Variants in FAM120C observed in about 807,000 individuals in gnomAD.
The protein encoded by FAM120C is family with sequence similarity 120 member C, also known as constitutive coactivator of PPAR-gamma-like protein 2.
FAM120C carries 14 observed loss-of-function variants against 71.2 expected under a neutral mutation model. That is an observed-to-expected ratio of 0.20 (90% CI 0.13 to 0.31). The LOEUF (loss-of-function observed/expected upper bound fraction) is 0.31. Among genes scored for constraint, FAM120C ranks in the 10% least tolerant of loss-of-function variants. The probability of loss-of-function intolerance (pLI) is 1.00; values close to 1 mark genes in which losing one functional copy is unlikely to be tolerated. For missense variants in FAM120C, 500 were observed against 879.0 expected, an observed-to-expected ratio of 0.57 and a Z score of 5.45; for synonymous variants, 354 against 353.2, an observed-to-expected ratio of 1.00 and a Z score of -0.03.
At chrX:54,082,363 G>C (rs1480512694) in intron 13 of FAM120C, among the ~76,000 whole-genome samples, 3 of 110,787 alleles carry the variant, frequency 2.7e-5, no homozygotes, top group African/African-American at 9.8e-5. Context: ...TTGAAAGAAT[G>C]AATGTCTTAA....
intron 10 of FAM120C, among the ~76,000 whole-genome samples, chrX:54,097,800 C>T (rs1429799590): frequency 2.7e-5 from 3 of 110,878 alleles, no homozygotes; most frequent in East Asian, 2.8e-4. Context: ...GATCTCGGCT[C>T]ACTGCAAGCT....
chrX:54,159,102 T>A (rs185469531), intron 2 of FAM120C, among the ~76,000 whole-genome samples: 42 of 111,762 alleles, frequency 3.8e-4, no homozygotes, highest in African/African-American at 1.4e-3. Context: ...ATAAAAGAGT[T>A]ATAAAATGTA....
chrX:54,154,054 A>G (rs1351148926), intron 3 of FAM120C, among the ~76,000 whole-genome samples: 2 of 108,109 alleles, frequency 1.8e-5, no homozygotes, highest in African/African-American at 6.7e-5. Flanking sequence ...TTTTTTTTTA[A>G]AAGGGTCGCT....
chrX:54,158,700 C>T (rs999043477), intron 2 of FAM120C, among the ~76,000 whole-genome samples: 2 of 111,122 alleles, frequency 1.8e-5, no homozygotes, highest in East Asian at 2.8e-4. Flanking sequence ...ACCTGGGAGG[C>T]GGAGATTGCA....
At chrX:54,127,758 A>T (rs1210088988) in intron 9 of FAM120C, among the ~76,000 whole-genome samples, 1 of 109,002 alleles carries the variant, frequency 9.2e-6, no homozygotes, top group African/African-American at 3.3e-5. Context: ...CAGCTATATT[A>T]AAAAAAATTT....
intron 10 of FAM120C, among the ~76,000 whole-genome samples, chrX:54,092,674 T>C (rs1165941141): frequency 2.7e-5 from 3 of 111,423 alleles, no homozygotes; most frequent in Non-Finnish European, 5.6e-5. Context: ...CATCCTGAAA[T>C]TGTAGGAAGA....
chrX:54,176,690 A>G (rs1557136736), intron 1 of FAM120C, among the ~76,000 whole-genome samples: 1 of 111,852 alleles, frequency 8.9e-6, no homozygotes, highest in Non-Finnish European at 1.9e-5. Context: ...GAATTAACAT[A>G]TAACATTGTA....
intron 4 of FAM120C, among the ~76,000 whole-genome samples, chrX:54,139,329 T>TTTTATTTATTTATTTA (rs375711849): frequency 0.13 from 11,248 of 88,860 alleles, 671 homozygotes; most frequent in South Asian, 0.16. Context: ...TTTTTTTTGC[T>TTTTATTTATTTATTTA]TTTATTTATT....
At chrX:54,078,225 G>C (rs930194509) in intron 15 of FAM120C, among the ~76,000 whole-genome samples, 11 of 91,069 alleles carry the variant, frequency 1.2e-4, no homozygotes, top group African/African-American at 4.5e-4. Context: ...TTACAGGCGT[G>C]AGCCACCGCG....
At chrX:54,129,090 C>T (rs1172469146) in intron 9 of FAM120C, among the ~76,000 whole-genome samples, 3 of 103,516 alleles carry the variant, frequency 2.9e-5, no homozygotes, top group Non-Finnish European at 6.0e-5. Flanking sequence ...GGCGGCCGGC[C>T]GGGCAGGGGG....
intron 1 of FAM120C, among the ~76,000 whole-genome samples, chrX:54,170,396 G>A (rs1250442802): frequency 9.0e-6 from 1 of 111,461 alleles, no homozygotes; most frequent in Non-Finnish European, 1.9e-5. Context: ...GCCTCCCCAA[G>A]TGCTAGGATT....
intron 3 of FAM120C, among the ~76,000 whole-genome samples, chrX:54,154,827 C>T (rs889989144): frequency 2.7e-5 from 3 of 110,807 alleles, no homozygotes; most frequent in Non-Finnish European, 5.7e-5. Flanking sequence ...GAGCTGAAGA[C>T]ATAAAACTTA....
At chrX:54,166,132 A>T (rs911463634) in intron 1 of FAM120C, among the ~76,000 whole-genome samples, 1 of 111,797 alleles carries the variant, frequency 8.9e-6, no homozygotes, top group Non-Finnish European at 1.9e-5. Context: ...AAAAGGAAAC[A>T]AACAGATTTT....
rs1042013807 is a variant in FAM120C, at chrX:54,068,908, G to A, written c.*4125C>T. On this transcript the variant is annotated 3_prime_UTR_variant, in exon 16 of 16. Coordinates refer to ENST00000375180, the MANE Select transcript of FAM120C (RefSeq NM_017848.6). ...AAATGAAGTCATCAGATTTGGCTGG[G>A]TTATGAGAGATTAATAAAATCTGAA... The A allele has an allele frequency of 9.0e-6, 1 of 111,263 alleles. No homozygotes were observed. The highest frequency in any genetic ancestry group is 3.3e-5 in the African/African-American group (1 of 30,604). The allele number at this position is 111,263 out of a possible 1,213,427, so 9.2% of individuals were successfully genotyped here.
chrX:54,150,682 G>C (rs2067180270), intron 4 of FAM120C, among the ~76,000 whole-genome samples: 1 of 110,919 alleles, frequency 9.0e-6, no homozygotes, highest in African/African-American at 3.3e-5. Flanking sequence ...AGTTGTTTAT[G>C]GGTAATGATA....
chrX:54,114,329 T>C (rs2066955426), intron 10 of FAM120C, among the ~76,000 whole-genome samples: 1 of 111,991 alleles, frequency 8.9e-6, no homozygotes, highest in Non-Finnish European at 1.9e-5. Flanking sequence ...ATTTGAGTGA[T>C]GGCTACGTGA....
At chrX:54,093,706 C>T (rs1307534817) in intron 10 of FAM120C, among the ~76,000 whole-genome samples, 1 of 111,458 alleles carries the variant, frequency 9.0e-6, no homozygotes. Flanking sequence ...GAGTGAGAGG[C>T]TCAGAAATGG....
At position 54,182,625 on chromosome X, in the gene FAM120C, G is replaced by A. The variant is rs782768136; in HGVS notation, c.574C>T (p.Gln192Ter). 1 of 1,207,008 alleles carries A rather than the reference G, an allele frequency of 8.3e-7. No homozygotes were observed. Among genetic ancestry groups the A allele is most frequent in the East Asian group, 3.0e-5 (1 of 33,699 alleles). The change falls in exon 1 of 16, where the codon CAG becomes TAG. Residue 192 changes from glutamine to a stop codon, truncating the protein, a stop_gained. Coordinates refer to ENST00000375180, the MANE Select transcript of FAM120C (RefSeq NM_017848.6). LOFTEE classifies it high-confidence loss of function. ...TGTCCCACGATCAGTTGCGCTGTCT[G>A]CCGCTCGGCCTGGCACCGACGGCCC... The part of the protein sequence containing the change: ...EWGRRCQAER[Q>*]TAQLIVGHVG...
At chrX:54,136,771 T>C (rs1557130650) in intron 4 of FAM120C, among the ~76,000 whole-genome samples, 181 bp from the exon 5 acceptor site, 1 of 110,207 alleles carries the variant, frequency 9.1e-6, no homozygotes, top group Non-Finnish European at 1.9e-5. Context: ...ACATCAAATA[T>C]GGAATACTTA....
Sources: allele counts gnomAD v4.1 joint callset (sites outside exome capture counted in the v4.1 genomes callset), GRCh38; gene constraint gnomAD v4.1.1; transcripts MANE v1.5; gene names NCBI Gene and HGNC (gene_info 2026-07-23, HGNC 2026-07-21).